The following CNOT6 variants were observed in gnomAD, a reference collection of about 807,000 sequenced individuals.
CNOT6 encodes the protein CCR4-NOT transcription complex subunit 6, also known as carbon catabolite repression 4 protein.
In CNOT6, 12 loss-of-function variants were observed where a neutral mutation model predicts 61.2. The observed-to-expected ratio is 0.20, with a 90% CI of 0.13 to 0.32. The LOEUF is 0.32. Ranked by LOEUF, CNOT6 falls within the 10% of genes least tolerant of loss-of-function variation. CNOT6 has a pLI of 1.00. For synonymous variants in CNOT6, 225 were observed against 240.6 expected, an observed-to-expected ratio of 0.94 and a Z score of 0.60; for missense variants, 405 against 663.9, an observed-to-expected ratio of 0.61 and a Z score of 4.28.
intron 2 of CNOT6, among the ~76,000 whole-genome samples, chr5:180,544,676 T>G (rs1220501703): frequency 6.6e-6 from 1 of 152,194 alleles, no homozygotes; most frequent in South Asian, 2.1e-4. Flanking sequence ...CTATACAAAT[T>G]GGCAGGCTTT....
At chr5:180,560,953 T>C (rs371973307) in intron 4 of CNOT6, among the ~76,000 whole-genome samples, 4 of 32,210 alleles carry the variant, frequency 1.2e-4, no homozygotes. Flanking sequence ...TGTGTTCTTA[T>C]CTATCTATCA....
intron 1 of CNOT6, chr5:180,495,674 C>G (rs1756579758): frequency 1.3e-5 from 2 of 152,200 alleles, no homozygotes; most frequent in African/African-American, 4.8e-5. Flanking sequence ...ATTGTTAGTG[C>G]TGAATCTTCT....
chr5:180,532,143 T>C (rs895163228), intron 2 of CNOT6, among the ~76,000 whole-genome samples: 12 of 152,356 alleles, frequency 7.9e-5, no homozygotes, highest in South Asian at 2.1e-4. Context: ...AAGAGAAATA[T>C]GCACTAATTT....
intron 1 of CNOT6, among the ~76,000 whole-genome samples, chr5:180,509,925 C>G (rs747670599): frequency 3.1e-4 from 46 of 150,650 alleles, no homozygotes; most frequent in Non-Finnish European, 6.0e-4. Flanking sequence ...GTTCTGATAC[C>G]AAGATACCTG....
At position 180,541,441 on chromosome 5, in the gene CNOT6, AT is replaced by A. The variant is rs1163850404; in HGVS notation, c.113-8462del. 3.4e-3 allele frequency among the ~76,000 whole-genome samples: 358 copies of A among 106,474 alleles called. 2 individuals carry two copies. Among genetic ancestry groups the A allele is most frequent in the African/African-American group, 5.0e-3 (124 of 24,562 alleles). 69.9% of individuals were successfully genotyped at this position (106,474 alleles called of 152,430 possible). A position where few individuals can be genotyped will look rare whatever the true frequency, so the allele number is the denominator to read the frequency against. On this transcript the variant is annotated intron_variant, in intron 2 of 11. Coordinates refer to ENST00000261951, the MANE Select transcript of CNOT6 (RefSeq NM_001370472.1). ...ATGAACCACCACAACTGGCCAAGAAATTTTTTTTTTTTTTTTTTTTTTTTTT... is the reference window on the plus strand; with the variant it reads ...ATGAACCACCACAACTGGCCAAGAAATTTTTTTTTTTTTTTTTTTTTTTTT...
intron 2 of CNOT6, among the ~76,000 whole-genome samples, chr5:180,548,493 C>G (rs1012977098): frequency 1.3e-5 from 2 of 152,202 alleles, no homozygotes; most frequent in African/African-American, 2.4e-5. Context: ...CTCTTGATTT[C>G]TAATCACCTT....
intron 4 of CNOT6, 89 bp downstream of exon 4, chr5:180,553,560 T>C: frequency 2.2e-6 from 2 of 918,850 alleles, no homozygotes; most frequent in South Asian, 1.5e-5. Context: ...GGGGATTCTT[T>C]TAAAGACTCA....
intron 11 of CNOT6, among the ~76,000 whole-genome samples, 198 bp from the exon 12 acceptor site, chr5:180,573,790 G>T (rs1360717871): frequency 6.6e-6 from 1 of 152,100 alleles, no homozygotes; most frequent in Non-Finnish European, 1.5e-5. Flanking sequence ...CAGATAAGAA[G>T]AATGCTTCAT....
intron 2 of CNOT6, among the ~76,000 whole-genome samples, chr5:180,545,743 G>C (rs988574182): frequency 6.6e-6 from 1 of 152,160 alleles, no homozygotes; most frequent in Admixed American, 6.5e-5. Context: ...TATGGTAAGT[G>C]TATGTTTAAC....
chr5:180,529,463 C>A, intron 2 of CNOT6, 75 bp downstream of exon 2: 1 of 778,338 alleles, frequency 1.3e-6, no homozygotes, highest in Non-Finnish European at 2.2e-6. Context: ...AATGCCAATA[C>A]AGGAAAGAAA....
chr5:180,561,735 T>C (rs1231027233), intron 4 of CNOT6, among the ~76,000 whole-genome samples: 2 of 152,222 alleles, frequency 1.3e-5, no homozygotes, highest in Non-Finnish European at 2.9e-5. Context: ...TCGTTGCTTC[T>C]GGTGGAGGTG....
intron 1 of CNOT6, among the ~76,000 whole-genome samples, chr5:180,518,726 T>C (rs1757755470): frequency 2.0e-5 from 3 of 152,040 alleles, no homozygotes; most frequent in African/African-American, 7.2e-5. Flanking sequence ...GTCTCGAACT[T>C]CTGAGCTTGA....
In CNOT6 at chr5:180,574,088, G is replaced by T; in HGVS notation, c.1562G>T (p.Gly521Val). The T allele has an allele frequency of 6.2e-7, 1 of 1,614,000 alleles. No homozygotes were observed. Among genetic ancestry groups the T allele is most frequent in the Admixed American group, 1.7e-5 (1 of 60,006 alleles). ...TGGCTGGTTGAGAATAACATCAGTGGCTGCCCGCACCCCCTCATCCCCTCT... is the reference window on the plus strand; with the variant it reads ...TGGCTGGTTGAGAATAACATCAGTGTCTGCCCGCACCCCCTCATCCCCTCT... ...HHWLVENNISGCPHPLIPSDH... is the reference protein window; with the variant it reads ...HHWLVENNISVCPHPLIPSDH... Residue 521 changes from glycine to valine, a missense_variant, in exon 12 of 12, where the codon GGC becomes GTC. Around this residue, in one of 5 missense-constraint regions of CNOT6, gnomAD observed 52 missense variants for 69.3 expected, o/e 0.75. Coordinates refer to ENST00000261951, the MANE Select transcript of CNOT6 (RefSeq NM_001370472.1).
At chr5:180,511,258 G>A (rs936298197) in intron 1 of CNOT6, among the ~76,000 whole-genome samples, 2 of 151,900 alleles carry the variant, frequency 1.3e-5, no homozygotes, top group African/African-American at 4.8e-5. Context: ...TGGGGAAATC[G>A]CTTGAATCCA....
chr5:180,500,122 C>G (rs1158940446), intron 1 of CNOT6, among the ~76,000 whole-genome samples: 1 of 149,608 alleles, frequency 6.7e-6, no homozygotes, highest in South Asian at 2.1e-4. Flanking sequence ...CTTTTTCTTT[C>G]TTTTGCTTTT....
At chr5:180,495,807 A>C (rs1470982155) in intron 1 of CNOT6, 3 of 152,402 alleles carry the variant, frequency 2.0e-5, no homozygotes, top group East Asian at 3.9e-4. Flanking sequence ...TTACTACTCT[A>C]GAACAGATTA....
At chr5:180,497,830 G>A (rs527802307) in intron 1 of CNOT6, among the ~76,000 whole-genome samples, 1 of 152,080 alleles carries the variant, frequency 6.6e-6, no homozygotes, top group Non-Finnish European at 1.5e-5. Context: ...GATCACTTGA[G>A]GTTAGGAGTT....
At position 180,575,112 on chromosome 5, in the gene CNOT6, A is replaced by C. The variant is rs1287553601; in HGVS notation, c.*912A>C. The stretch of plus-strand genomic sequence containing the variant: ...AGGTCCAGCTTCTTAACTCTTTTTG[A>C]GACACTTCCTGTCCTATCTCCACTG... On this transcript the variant is annotated 3_prime_UTR_variant, in exon 12 of 12. Transcript: ENST00000261951. The C allele has an allele frequency of 2.6e-5, 4 of 152,618 alleles. No homozygotes were observed. Among genetic ancestry groups the C allele is most frequent in the Non-Finnish European group, 5.9e-5 (4 of 68,034 alleles). 9.5% of individuals were successfully genotyped at this position (152,618 alleles called of 1,614,324 possible). A position where few individuals can be genotyped will look rare whatever the true frequency, so the allele number is the denominator to read the frequency against.
rs1761012712 is a variant in CNOT6 at position 180,576,715 on chromosome 5, G to A, written c.*2515G>A. 6.6e-6 allele frequency: 1 copy of A among 152,136 alleles called. No individual in the cohort carries two copies. Among genetic ancestry groups the A allele is most frequent in the Admixed American group, 6.6e-5 (1 of 15,264 alleles). 9.4% of individuals were successfully genotyped at this position (152,136 alleles called of 1,614,324 possible). A position where few individuals can be genotyped will look rare whatever the true frequency, so the allele number is the denominator to read the frequency against. ...GAACAGTCACACCAAAATAGACTAT[G>A]ATGCTTTTGTTAAGAAAGGTTTCAT... On this transcript the variant is annotated 3_prime_UTR_variant, in exon 12 of 12. Coordinates refer to ENST00000261951, the MANE Select transcript of CNOT6 (RefSeq NM_001370472.1).
Sources: allele counts gnomAD v4.1 joint callset (sites outside exome capture counted in the v4.1 genomes callset), GRCh38; gene constraint gnomAD v4.1.1; regional missense constraint gnomAD v4.1.1; transcripts MANE v1.5; gene names NCBI Gene and HGNC (gene_info 2026-07-23, HGNC 2026-07-21).